The following POMT2 variants were observed in gnomAD, a reference collection of about 807,000 sequenced individuals.
POMT2 encodes protein O-mannosyl-transferase 2.
Under a neutral mutation model 100.0 loss-of-function variants are expected in POMT2, and 75 were observed. The observed-to-expected ratio is 0.75, with a 90% CI of 0.62 to 0.91. POMT2 has a LOEUF of 0.91. Ranked by LOEUF, POMT2 falls within the 40% of genes least tolerant of loss-of-function variation. The pLI is 0.00. For missense variants in POMT2, 940 were observed against 955.1 expected (o/e 0.98, Z 0.21); for synonymous variants, 378 against 374.1 (o/e 1.01, Z -0.12).
Position 77,302,886 on chromosome 14 carries a change from A to C in POMT2, c.605T>G (p.Phe202Cys). 2 of 1,614,050 alleles carry C rather than the reference A, an allele frequency of 1.2e-6. No individual in the cohort carries two copies. The highest frequency in any genetic ancestry group is 1.7e-6 in the Non-Finnish European group (2 of 1,179,928). The change falls in exon 5 of 21, where the codon TTC becomes TGC. Residue 202 changes from phenylalanine (F) to cysteine (C), a missense_variant. Coordinates refer to ENST00000261534, the MANE Select transcript of POMT2 (RefSeq NM_013382.7). ...CATGCTCAGCATGGCAGCCATGATG[A>C]AGAACATCAGGATGGGGTCAAGGAG... ...YILLDPILMF[F>C]IMAAMLSMVK... is the part of the protein sequence containing the mutation.
chr14:77,320,838 G>A lies in POMT2; in HGVS notation c.-157C>T. ...GGGGCCCCGGGCTCGGGGCGGGGCGGGCAGCGTGGTCGCGGCCCGGGCCGC... is the reference window on the plus strand; with the variant it reads ...GGGGCCCCGGGCTCGGGGCGGGGCGAGCAGCGTGGTCGCGGCCCGGGCCGC... On this transcript the variant is annotated 5_prime_UTR_variant, in exon 1 of 21. Transcript: ENST00000261534. The A allele has an allele frequency of 2.2e-6, 3 of 1,351,178 alleles. No homozygotes were observed. Among genetic ancestry groups the A allele is most frequent in the Non-Finnish European group, 2.8e-6 (3 of 1,053,386 alleles). 83.7% of individuals were successfully genotyped at this position (1,351,178 alleles called of 1,614,324 possible). A position where few individuals can be genotyped will look rare whatever the true frequency, so the allele number is the denominator to read the frequency against.
At chr14:77,309,628 A>T (rs1458228522) in intron 2 of POMT2, among the ~76,000 whole-genome samples, 1 of 152,162 alleles carries the variant, frequency 6.6e-6, no homozygotes, top group Admixed American at 6.5e-5. Context: ...TTCTCCCTTC[A>T]CACGGGCAAC....
chr14:77,285,688 C>A (rs1166504473), intron 12 of POMT2, 56 bp from the exon 13 acceptor site: 16 of 1,570,668 alleles, frequency 1.0e-5, no homozygotes, highest in African/African-American at 4.1e-5. Context: ...TTAGAGAAAA[C>A]GTGTCAGAAA....
chr14:77,285,256 C>G, intron 13 of POMT2: 1 of 713,326 alleles, frequency 1.4e-6, no homozygotes, highest in Non-Finnish European at 2.3e-6. Flanking sequence ...TTATTAGCAC[C>G]AGCCAGATGT....
intron 2 of POMT2, among the ~76,000 whole-genome samples, chr14:77,311,230 CTGGGCA>C (rs1891425980): frequency 6.6e-6 from 1 of 152,200 alleles, no homozygotes. Flanking sequence ...CATGTGTATG[CTGGGCA>C]TGGGAAGGGA....
intron 15 of POMT2, 89 bp downstream of exon 15, chr14:77,283,708 G>C: frequency 2.6e-6 from 3 of 1,135,494 alleles, no homozygotes; most frequent in Non-Finnish European, 4.0e-6. Flanking sequence ...AGGGGGAATG[G>C]ATCTGTAGCA....
At chr14:77,316,921 T>C (rs772684139) in intron 1 of POMT2, among the ~76,000 whole-genome samples, 4 of 152,220 alleles carry the variant, frequency 2.6e-5, no homozygotes, top group African/African-American at 7.2e-5. Flanking sequence ...AAACACATCA[T>C]GGCTGCCTGC....
At chr14:77,297,210 G>T (rs1890864395) in intron 8 of POMT2, among the ~76,000 whole-genome samples, 1 of 152,214 alleles carries the variant, frequency 6.6e-6, no homozygotes, top group Admixed American at 6.5e-5. Flanking sequence ...GCCAACCTCG[G>T]CAGCCCTGCA....
Position 77,285,590 on chromosome 14 carries a change from C to A in POMT2, c.1375G>T (p.Val459Leu). 1 of 1,613,346 alleles carries A rather than the reference C, an allele frequency of 6.2e-7. No individual in the cohort carries two copies. Among genetic ancestry groups the A allele is most frequent in the Non-Finnish European group, 8.5e-7 (1 of 1,179,332 alleles). Residue 459 changes from valine (V) to leucine (L), a missense_variant, in exon 13 of 21, where the codon GTA (valine) becomes TTA (leucine). Coordinates refer to ENST00000261534, the MANE Select transcript of POMT2 (RefSeq NM_013382.7). ...ATCCGGTTTCCAAATTTCCTGTTTA[C>A]GACCTCAATCCGCCAGAAATCATTT... ...DSNDFWRIEVVNRKFGNRIKV... is the reference protein window; with the variant it reads ...DSNDFWRIEVLNRKFGNRIKV...
At position 77,302,874 on chromosome 14, in the gene POMT2, G is replaced by A; in HGVS notation, c.617C>T (p.Ala206Val). The change falls in exon 5 of 21, where the codon GCC becomes GTC. Residue 206 changes from alanine (A) to valine (V), a missense_variant. Physicochemically the swap from Ala to Val is moderately conservative, Grantham distance 64. Coordinates refer to ENST00000261534, the MANE Select transcript of POMT2 (RefSeq NM_013382.7). The stretch of plus-strand genomic sequence containing the variant: ...GTTGTACTTGACCATGCTCAGCATG[G>A]CAGCCATGATGAAGAACATCAGGAT... ...DPILMFFIMA[A>V]MLSMVKYNSC... 6.2e-7 allele frequency: 1 copy of A among 1,613,754 alleles called. No homozygotes were observed. The highest frequency in any genetic ancestry group is 1.7e-4 in the Middle Eastern group (1 of 6,058).
chr14:77,279,972 C>G (rs375954864), intron 17 of POMT2, 44 bp from the exon 18 acceptor site: 52 of 1,614,046 alleles, frequency 3.2e-5, no homozygotes, highest in Non-Finnish European at 4.0e-5. Context: ...CAGCCGCTCT[C>G]CACGGGCAAG....
chr14:77,313,154 T>C (rs1891499786), intron 1 of POMT2, among the ~76,000 whole-genome samples: 1 of 152,180 alleles, frequency 6.6e-6, no homozygotes, highest in South Asian at 2.1e-4. Flanking sequence ...AAAAGAAGGG[T>C]TACTTTCTAG....
rs1248268993 is a variant in POMT2, at chr14:77,320,720, C to T, written c.-39G>A. The T allele has an allele frequency of 1.3e-6, 2 of 1,583,208 alleles. No individual in the cohort carries two copies. Among genetic ancestry groups the T allele is most frequent in the Non-Finnish European group, 8.5e-7 (1 of 1,174,058 alleles). On this transcript the variant is annotated 5_prime_UTR_variant, in exon 1 of 21. It adds an upstream start codon to the 5' untranslated region. Transcript: ENST00000261534. ...TGGGTCGCCCTCCGGCCCGGAGGCA[C>T]ACTTTGTCTGACCAGCCGCCCCGCC...
At chr14:77,290,305 G>A (rs374291516) in intron 10 of POMT2, among the ~76,000 whole-genome samples, 3 of 152,194 alleles carry the variant, frequency 2.0e-5, no homozygotes, top group Non-Finnish European at 4.4e-5. Context: ...GAACACTCAC[G>A]TTTGGCCTGC....
intron 3 of POMT2, among the ~76,000 whole-genome samples, chr14:77,305,528 G>A (rs563186718): frequency 2.0e-5 from 3 of 152,254 alleles, no homozygotes; most frequent in African/African-American, 7.2e-5. Context: ...AGAACTTGAG[G>A]GTAGGATATA....
chr14:77,320,406 T>G, intron 1 of POMT2, 28 bp downstream of exon 1: 2 of 1,544,764 alleles, frequency 1.3e-6, no homozygotes, highest in Non-Finnish European at 1.7e-6. Flanking sequence ...GTTGCCATGG[T>G]GCCCGCCGAG....
At chr14:77,278,322 T>C in intron 20 of POMT2, 72 bp downstream of exon 20, 1 of 1,232,394 alleles carries the variant, frequency 8.1e-7, no homozygotes. Context: ...CGCAGGGGAT[T>C]CTCGAATGCA....
chr14:77,285,217 AT>A, intron 13 of POMT2, 176 bp from the exon 14 acceptor site: 1 of 727,954 alleles, frequency 1.4e-6, no homozygotes, highest in Non-Finnish European at 2.3e-6. Context: ...CAGTATTCCC[AT>A]TTTAGAAAAA....
At chr14:77,315,156 G>C (rs951046657) in intron 1 of POMT2, among the ~76,000 whole-genome samples, 1 of 152,206 alleles carries the variant, frequency 6.6e-6, no homozygotes, top group African/African-American at 2.4e-5. Context: ...ATGGGGGGAA[G>C]GATGTACTAC....
Sources: gnomAD v4.1 joint callset for allele counts (sites outside exome capture counted in the v4.1 genomes callset) on GRCh38, gnomAD v4.1.1 for gene constraint, MANE v1.5 for transcripts, NCBI Gene and HGNC (gene_info 2026-07-23, HGNC 2026-07-21) for gene names.